Variants in LNPK observed in about 807,000 individuals in gnomAD.
LNPK encodes the protein endoplasmic reticulum junction formation protein lunapark.
A neutral mutation model predicts 55.2 loss-of-function variants in LNPK; 29 were observed. That is an observed-to-expected ratio of 0.53 (90% CI 0.39 to 0.72). The LOEUF (loss-of-function observed/expected upper bound fraction) is 0.72, where lower values mean the gene tolerates loss of function less well. LNPK is among the 30% of genes least tolerant of loss of function. The pLI is 0.00. For synonymous variants in LNPK, 162 were observed against 168.2 expected, an observed-to-expected ratio of 0.96 and a Z score of 0.29; for missense variants, 467 against 494.8, an observed-to-expected ratio of 0.94 and a Z score of 0.53.
At chr2:175,970,827 A>G in intron 5 of LNPK, 23 bp from the exon 6 acceptor site, 2 of 1,406,220 alleles carry the variant, frequency 1.4e-6, no homozygotes, top group Non-Finnish European at 1.9e-6. Context: ...ATTTAAATCA[A>G]AGATTAAGAT....
At chr2:175,933,781 G>A (rs1327000786) in intron 12 of LNPK, among the ~76,000 whole-genome samples, 1 of 141,936 alleles carries the variant, frequency 7.0e-6, no homozygotes, top group South Asian at 2.2e-4. Context: ...ACCCACGCTG[G>A]AGTGCAGTGG....
At position 175,925,209 on chromosome 2, in the gene LNPK, A is replaced by T. The variant is rs895420111; in HGVS notation, c.*4758T>A. On this transcript the variant is annotated 3_prime_UTR_variant, in exon 13 of 13. Coordinates refer to ENST00000272748, the MANE Select transcript of LNPK (RefSeq NM_030650.3). Reference sequence around the variant, plus strand: ...CTGATACAACTATGTTCTCCATAACAATAGTGACTGTGTGTCTAATGCATA... The same window carrying T: ...CTGATACAACTATGTTCTCCATAACTATAGTGACTGTGTGTCTAATGCATA... 6.6e-6 allele frequency: 1 copy of T among 152,208 alleles called. No individual in the cohort carries two copies. Among genetic ancestry groups the T allele is most frequent in the Non-Finnish European group, 1.5e-5 (1 of 68,044 alleles). 9.4% of individuals were successfully genotyped at this position (152,208 alleles called of 1,614,324 possible). A position where few individuals can be genotyped will look rare whatever the true frequency, so the allele number is the denominator to read the frequency against.
chr2:176,002,413 TG>T, upstream of LNPK: 1 of 339,954 alleles, frequency 2.9e-6, no homozygotes, highest in Non-Finnish European at 5.7e-6. Flanking sequence ...GTTAGGATCT[TG>T]TGTTTGTGGC....
At chr2:176,002,371 G>A (rs907176862), upstream of LNPK, 1 of 367,334 alleles carries the variant, frequency 2.7e-6, no homozygotes, top group Admixed American at 3.6e-5. Context: ...CGTACCCTGG[G>A]CGGGTAGTTG....
intron 1 of LNPK, among the ~76,000 whole-genome samples, chr2:175,998,054 T>C (rs1045124495): frequency 1.3e-5 from 2 of 152,048 alleles, no homozygotes; most frequent in African/African-American, 2.4e-5. Context: ...AAATACTTTA[T>C]ATTAATTTTA....
Position 175,992,214 on chromosome 2 carries a change from AAG to A in LNPK, c.257+15_257+16del. 1.3e-6 allele frequency: 2 copies of A among 1,513,320 alleles called. No individual in the cohort carries two copies. Among genetic ancestry groups the A allele is most frequent in the Non-Finnish European group, 1.8e-6 (2 of 1,131,134 alleles). The allele number at this position is 1,513,320 out of a possible 1,614,324, so 93.7% of individuals were successfully genotyped here. ...GTCAGAAAAGGAAAAGATCAACAAA[AAG>A]AATAATTTACTTACATCAATGGAAA... is the stretch of plus-strand genomic sequence containing the variant. On this transcript the variant is annotated intron_variant, in intron 4 of 12. Coordinates refer to ENST00000272748, the MANE Select transcript of LNPK (RefSeq NM_030650.3).
chr2:175,984,924 C>A (rs1343932162), intron 4 of LNPK, among the ~76,000 whole-genome samples: 1 of 152,150 alleles, frequency 6.6e-6, no homozygotes, highest in Non-Finnish European at 1.5e-5. Flanking sequence ...TCATTGCAGC[C>A]TTATTTGTAA....
intron 5 of LNPK, among the ~76,000 whole-genome samples, chr2:175,976,470 G>C (rs544788599): frequency 6.6e-6 from 1 of 152,212 alleles, no homozygotes; most frequent in Non-Finnish European, 1.5e-5. Flanking sequence ...GGTCACACAA[G>C]GTATCCAGAT....
chr2:175,933,171 G>T (rs60476614), intron 12 of LNPK, among the ~76,000 whole-genome samples: 79,264 of 151,688 alleles, frequency 0.52, 21,510 homozygotes, highest in African/African-American at 0.66. Flanking sequence ...TTATTATTTT[G>T]TTTTACCAAA....
chr2:175,974,423 T>C (rs913412492), intron 5 of LNPK, among the ~76,000 whole-genome samples: 1 of 152,208 alleles, frequency 6.6e-6, no homozygotes, highest in Non-Finnish European at 1.5e-5. Context: ...GTCCTACAAG[T>C]GCCTGAAGTG....
chr2:175,966,832 C>T (rs980475171), intron 6 of LNPK, among the ~76,000 whole-genome samples: 11 of 152,318 alleles, frequency 7.2e-5, no homozygotes, highest in African/African-American at 2.6e-4. Flanking sequence ...GCCTCAGTTT[C>T]TCCTCTGCAT....
At chr2:175,955,418 C>G (rs1685644158) in intron 8 of LNPK, among the ~76,000 whole-genome samples, 1 of 152,164 alleles carries the variant, frequency 6.6e-6, no homozygotes, top group Non-Finnish European at 1.5e-5. Flanking sequence ...TAAAGTAGCT[C>G]TAACTGATGT....
Position 175,929,575 on chromosome 2 carries a change from T to C in LNPK, c.*392A>G. The C allele has an allele frequency of 1.0e-6, 1 of 997,392 alleles. No individual in the cohort carries two copies. Among genetic ancestry groups the C allele is most frequent in the Non-Finnish European group, 1.2e-6 (1 of 837,442 alleles). The allele number at this position is 997,392 out of a possible 1,614,324, so 61.8% of individuals were successfully genotyped here. On this transcript the variant is annotated 3_prime_UTR_variant, in exon 13 of 13. Coordinates refer to ENST00000272748, the MANE Select transcript of LNPK (RefSeq NM_030650.3). The stretch of plus-strand genomic sequence containing the variant: ...TGAAGTAGTCAAAATCTTAACCAAG[T>C]TTCATTCCTTAAAACAAACACAATT...
In LNPK at chr2:175,927,158, A is replaced by C. The variant is rs148247550; in HGVS notation, c.*2809T>G. ...AAGAGAATAATAGTGTGATATATGA[A>C]AAGCCAAAAGAAAAAAAGTATCTCA... is the stretch of plus-strand genomic sequence containing the variant. On this transcript the variant is annotated 3_prime_UTR_variant, in exon 13 of 13. Coordinates refer to ENST00000272748, the MANE Select transcript of LNPK (RefSeq NM_030650.3). 1 of 152,318 alleles carries C rather than the reference A, an allele frequency of 6.6e-6. No individual in the cohort carries two copies. Among genetic ancestry groups the C allele is most frequent in the East Asian group, 1.9e-4 (1 of 5,188 alleles). The allele number at this position is 152,318 out of a possible 1,614,324, so 9.4% of individuals were successfully genotyped here.
At chr2:175,953,408 T>TCTTGCTATAA (rs1685515729) in intron 8 of LNPK, among the ~76,000 whole-genome samples, 1 of 152,084 alleles carries the variant, frequency 6.6e-6, no homozygotes, top group South Asian at 2.1e-4. Context: ...AACCTCAGCA[T>TCTTGCTATAA]CTTGCTATAA....
chr2:175,972,061 G>A (rs187775729), intron 5 of LNPK, among the ~76,000 whole-genome samples: 253 of 152,126 alleles, frequency 1.7e-3, no homozygotes, highest in African/African-American at 5.7e-3. Flanking sequence ...AATTACAGGC[G>A]TGTACCACCA....
chr2:175,929,326 A>T lies in LNPK; in HGVS notation c.*641T>A. 1.0e-6 allele frequency: 1 copy of T among 985,640 alleles called. No individual in the cohort carries two copies. Among genetic ancestry groups the T allele is most frequent in the Non-Finnish European group, 1.2e-6 (1 of 829,736 alleles). The allele number at this position is 985,640 out of a possible 1,614,324, so 61.1% of individuals were successfully genotyped here. A position where few individuals can be genotyped will look rare whatever the true frequency, so the allele number is the denominator to read the frequency against. The stretch of plus-strand genomic sequence containing the variant: ...CCAGTTGTAAAATAAAAGACATCAA[A>T]AAGAAACACTGCAGTTGACTGTTTC... On this transcript the variant is annotated 3_prime_UTR_variant, in exon 13 of 13. Coordinates refer to ENST00000272748, the MANE Select transcript of LNPK (RefSeq NM_030650.3).
chr2:175,964,473 T>C (rs1428425661), intron 7 of LNPK, 33 bp downstream of exon 7: 1 of 1,587,420 alleles, frequency 6.3e-7, no homozygotes, highest in South Asian at 1.1e-5. Flanking sequence ...ATGTGTAATT[T>C]ATAATAAAAT....
At position 175,995,677 on chromosome 2, in the gene LNPK, A is replaced by T. The variant is rs1687898255; in HGVS notation, c.-62-31T>A. The T allele has an allele frequency of 4.7e-6, 5 of 1,068,586 alleles. No homozygotes were observed. The South Asian group carries it at 6.4e-5, about 14-fold the overall frequency. 66.2% of individuals were successfully genotyped at this position (1,068,586 alleles called of 1,614,324 possible). A position where few individuals can be genotyped will look rare whatever the true frequency, so the allele number is the denominator to read the frequency against. On this transcript the variant is annotated intron_variant, in intron 1 of 12. Coordinates refer to ENST00000272748, the MANE Select transcript of LNPK (RefSeq NM_030650.3). ...AATAAAGCAAGTATTTAAAATGTTA[A>T]GTTAAACACACAGCATACCCACTAT...
Sources: allele counts gnomAD v4.1 joint callset (sites outside exome capture counted in the v4.1 genomes callset), GRCh38; gene constraint gnomAD v4.1.1; transcripts MANE v1.5; gene names NCBI Gene and HGNC (gene_info 2026-07-23, HGNC 2026-07-21).